Variants in TOP2B observed in about 807,000 individuals in gnomAD.
The protein encoded by TOP2B is DNA topoisomerase II beta.
In TOP2B, 51 loss-of-function variants were observed where a neutral mutation model predicts 193.5. The ratio of observed to expected loss-of-function variants is 0.26; its 90% CI spans 0.21 to 0.33. The LOEUF (loss-of-function observed/expected upper bound fraction) is 0.33, where lower values mean the gene tolerates loss of function less well. Ranked by LOEUF, TOP2B falls within the 10% of genes least tolerant of loss-of-function variation. The pLI is 1.00. For missense variants in TOP2B, 1,378 were observed against 1,909.3 expected, an observed-to-expected ratio of 0.72 and a Z score of 5.19; for synonymous variants, 634 against 635.7, an observed-to-expected ratio of 1.00 and a Z score of 0.04.
At chr3:25,652,602 G>A (rs1029108574) in intron 1 of TOP2B, among the ~76,000 whole-genome samples, 1 of 152,106 alleles carries the variant, frequency 6.6e-6, no homozygotes, top group South Asian at 2.1e-4. Context: ...AATCACAAGC[G>A]AATTTAGAAA....
chr3:25,624,577 C>G, intron 19 of TOP2B, 105 bp downstream of exon 19: 1 of 1,536,488 alleles, frequency 6.5e-7, no homozygotes, highest in Admixed American at 2.1e-5. Flanking sequence ...TCTCTTAATT[C>G]TTTTACATTT....
intron 10 of TOP2B, among the ~76,000 whole-genome samples, chr3:25,632,046 A>G (rs1702974867): frequency 6.6e-6 from 1 of 152,058 alleles, no homozygotes; most frequent in South Asian, 2.1e-4. Context: ...AACATGTAGA[A>G]AATAGTACAT....
At chr3:25,620,470 A>T (rs146527521) in intron 22 of TOP2B, among the ~76,000 whole-genome samples, 270 of 152,336 alleles carry the variant, frequency 1.8e-3, no homozygotes, top group African/African-American at 6.3e-3. Context: ...ATAGTCTATA[A>T]AAGCCTTACC....
chr3:25,637,192 A>C (rs1378229198), intron 6 of TOP2B, 23 bp downstream of exon 6: 3 of 1,502,868 alleles, frequency 2.0e-6, no homozygotes, highest in Non-Finnish European at 2.7e-6. Flanking sequence ...TTAAAAAAAG[A>C]AATAGATGTG....
intron 11 of TOP2B, 78 bp from the exon 12 acceptor site, chr3:25,630,547 A>C: frequency 8.5e-7 from 1 of 1,176,336 alleles, no homozygotes; most frequent in South Asian, 1.6e-5. Flanking sequence ...CAGAAAATTA[A>C]CATTAGAATG....
intron 1 of TOP2B, among the ~76,000 whole-genome samples, chr3:25,661,078 G>A (rs1410201778): frequency 2.0e-5 from 3 of 146,948 alleles, no homozygotes; most frequent in Non-Finnish European, 3.0e-5. Context: ...TCGGCTCACC[G>A]CAACCTCCGC....
At chr3:25,609,041 C>G in intron 30 of TOP2B, 142 bp downstream of exon 30, 2 of 604,180 alleles carry the variant, frequency 3.3e-6, no homozygotes, top group Non-Finnish European at 5.1e-6. Flanking sequence ...AAAGACTGTT[C>G]TATAAGGCAA....
intron 4 of TOP2B, among the ~76,000 whole-genome samples, chr3:25,641,143 C>T (rs1438522288): frequency 6.6e-6 from 1 of 152,138 alleles, no homozygotes; most frequent in Non-Finnish European, 1.5e-5. Context: ...TAAATTCAAT[C>T]TTATTGCATT....
At chr3:25,630,260 A>G (rs1234085340) in intron 12 of TOP2B, 52 bp downstream of exon 12, 29 of 1,529,128 alleles carry the variant, frequency 1.9e-5, no homozygotes, top group East Asian at 2.5e-5. Context: ...TAGAAATGTC[A>G]TATGTATGTG....
chr3:25,607,636 TATACTTA>T (rs1287409710), intron 30 of TOP2B, among the ~76,000 whole-genome samples: 1 of 152,210 alleles, frequency 6.6e-6, no homozygotes, highest in Non-Finnish European at 1.5e-5. Context: ...TACTTATTGA[TATACTTA>T]ATAATTAATC....
intron 3 of TOP2B, among the ~76,000 whole-genome samples, chr3:25,643,411 A>C (rs1276930964): frequency 6.6e-6 from 1 of 152,228 alleles, no homozygotes; most frequent in Non-Finnish European, 1.5e-5. Context: ...CTGTGATGCT[A>C]GCATATCCCA....
rs547088527 is a variant in TOP2B at position 25,618,857 on chromosome 3, A to C, written c.3064-8T>G. On this transcript the variant is annotated splice_polypyrimidine_tract_variant and splice_region_variant and intron_variant, in intron 23 of 35. Transcript: ENST00000264331. ...CATATGATCAAAAAGTACCTAAGCA[A>C]AACACATATACTTTGCAGATCATAT... 102 of 1,587,728 alleles carry C rather than the reference A, an allele frequency of 6.4e-5. No individual in the cohort carries two copies. The South Asian group carries it at 1.1e-3, about 18-fold the overall frequency.
At position 25,625,628 on chromosome 3, in the gene TOP2B, G is replaced by A. The variant is rs372400490; in HGVS notation, c.2225-825C>T. On this transcript the variant is annotated intron_variant, in intron 18 of 35. Transcript: ENST00000264331. ...TTTTGTTTTAAGCTCATCAGCTATC[G>A]TTAGTGTTAGTGTATTTTTACATGT... 6.6e-5 allele frequency among the ~76,000 whole-genome samples: 10 copies of A among 152,078 alleles called. No individual in the cohort carries two copies. In the East Asian group the frequency reaches 7.7e-4, roughly 12 times the overall value.
At chr3:25,633,442 G>A (rs1343873849) in intron 8 of TOP2B, among the ~76,000 whole-genome samples, 3 of 152,066 alleles carry the variant, frequency 2.0e-5, no homozygotes, top group Non-Finnish European at 4.4e-5. Flanking sequence ...CAACCTAGGA[G>A]TTCTGTGAAC....
chr3:25,652,016 T>C (rs1309312326), intron 1 of TOP2B, among the ~76,000 whole-genome samples: 1 of 152,202 alleles, frequency 6.6e-6, no homozygotes, highest in Non-Finnish European at 1.5e-5. Flanking sequence ...GAAAAAGATA[T>C]TCCAGAAAAC....
At chr3:25,599,621 C>T in intron 34 of TOP2B, 92 bp from the exon 35 acceptor site, 2 of 1,200,506 alleles carry the variant, frequency 1.7e-6, no homozygotes, top group South Asian at 2.8e-5. Context: ...CTTTGGCATG[C>T]CCAATCAGTG....
chr3:25,664,326 A>G lies in TOP2B; in HGVS notation c.-29T>C. The G allele has an allele frequency of 6.9e-7, 1 of 1,459,114 alleles. No homozygotes were observed. Among genetic ancestry groups the G allele is most frequent in the Non-Finnish European group, 9.0e-7 (1 of 1,114,602 alleles). 90.4% of individuals were successfully genotyped at this position (1,459,114 alleles called of 1,614,324 possible). The stretch of plus-strand genomic sequence containing the variant: ...GAGTGCCTCCAGCTCACAGGCCCTG[A>G]GGCCGCAGCCGCCGCTCCCGCCTCC... On this transcript the variant is annotated 5_prime_UTR_variant, in exon 1 of 36. Transcript: ENST00000264331.
chr3:25,663,901 C>G (rs1006147449), intron 1 of TOP2B, among the ~76,000 whole-genome samples: 4 of 152,080 alleles, frequency 2.6e-5, no homozygotes, highest in African/African-American at 7.3e-5. Context: ...CCATCCCCAC[C>G]ATTTCAGGTT....
At chr3:25,618,586 T>G in intron 24 of TOP2B, 68 bp downstream of exon 24, 1 of 1,525,104 alleles carries the variant, frequency 6.6e-7, no homozygotes. Flanking sequence ...CTGATAAAAA[T>G]GTCTTCTATT....
Sources: gnomAD v4.1 joint callset for allele counts (sites outside exome capture counted in the v4.1 genomes callset) on GRCh38, gnomAD v4.1.1 for gene constraint, MANE v1.5 for transcripts, NCBI Gene and HGNC (gene_info 2026-07-23, HGNC 2026-07-21) for gene names.